The following SEC24B variants were observed in gnomAD, a reference collection of about 807,000 sequenced individuals.
The protein encoded by SEC24B is SEC24 homolog B, COPII component.
SEC24B carries 45 observed loss-of-function variants against 142.8 expected under a neutral mutation model. That is an observed-to-expected ratio of 0.32 (90% CI 0.25 to 0.40). The LOEUF (loss-of-function observed/expected upper bound fraction) is 0.40. Ranked by LOEUF, SEC24B falls within the 10% of genes least tolerant of loss-of-function variation. The probability of loss-of-function intolerance (pLI) is 1.00; values close to 1 mark genes in which losing one functional copy is unlikely to be tolerated. For synonymous variants in SEC24B, 574 were observed against 568.2 expected (o/e 1.01, Z -0.15); for missense variants, 1,409 against 1,526.8 (o/e 0.92, Z 1.29).
At chr4:109,459,817 T>A (rs1370375316) in intron 1 of SEC24B, among the ~76,000 whole-genome samples, 1 of 152,194 alleles carries the variant, frequency 6.6e-6, no homozygotes. Context: ...GGTAGATATT[T>A]GAACAGATTT....
Position 109,463,332 on chromosome 4 carries a change from T to A in SEC24B, c.565T>A (p.Ser189Thr). 6.2e-7 allele frequency: 1 copy of A among 1,614,230 alleles called. No individual in the cohort carries two copies. Among genetic ancestry groups the A allele is most frequent in the Non-Finnish European group, 8.5e-7 (1 of 1,180,046 alleles). ...TCGHYAMSTV[S>T]NAAYPSVSYP... ...TGGTCATTATGCTATGTCAACTGTT[T>A]CTAATGCCGCGTATCCTAGTGTTTC... The change falls in exon 2 of 24, where the codon TCT becomes ACT. Residue 189 changes from serine (S) to threonine (T), a missense_variant. Physicochemically the swap from Ser to Thr is moderately conservative, Grantham distance 58. Coordinates refer to ENST00000265175, the MANE Select transcript of SEC24B (RefSeq NM_006323.5).
At chr4:109,491,862 A>G (rs550145697) in intron 5 of SEC24B, among the ~76,000 whole-genome samples, 3 of 152,284 alleles carry the variant, frequency 2.0e-5, no homozygotes, top group South Asian at 2.1e-4. Flanking sequence ...TTTTGGAGAC[A>G]TCACTTTTAA....
At chr4:109,447,751 T>C (rs1378631924) in intron 1 of SEC24B, among the ~76,000 whole-genome samples, 1 of 146,342 alleles carries the variant, frequency 6.8e-6, no homozygotes, top group Non-Finnish European at 1.5e-5. Context: ...GGAGAGTCTT[T>C]GCATTGTTTT....
At chr4:109,454,202 C>T (rs1314265638) in intron 1 of SEC24B, among the ~76,000 whole-genome samples, 1 of 151,940 alleles carries the variant, frequency 6.6e-6, no homozygotes, top group East Asian at 1.9e-4. Flanking sequence ...TTTTATGTTG[C>T]TGACTATGCT....
chr4:109,522,369 T>A (rs1723736794), intron 14 of SEC24B, among the ~76,000 whole-genome samples: 1 of 152,136 alleles, frequency 6.6e-6, no homozygotes, highest in African/African-American at 2.4e-5. Context: ...TAACTCAAAT[T>A]ATCTTTTTGG....
At position 109,511,953 on chromosome 4, in the gene SEC24B, C is replaced by A; in HGVS notation, c.1777-4C>A. On this transcript the variant is annotated splice_region_variant and splice_polypyrimidine_tract_variant and intron_variant, in intron 8 of 23. Coordinates refer to ENST00000265175, the MANE Select transcript of SEC24B (RefSeq NM_006323.5). ...TGCTACAGCTTCTTTATTTTATTTC[C>A]TAGCAATTACCAGTGATAACATCAA... is the stretch of plus-strand genomic sequence containing the variant. 1 of 1,609,690 alleles carries A rather than the reference C, an allele frequency of 6.2e-7. No homozygotes were observed. Among genetic ancestry groups the A allele is most frequent in the South Asian group, 1.1e-5 (1 of 89,678 alleles).
intron 1 of SEC24B, among the ~76,000 whole-genome samples, chr4:109,453,794 G>A (rs751289632): frequency 1.3e-5 from 2 of 152,030 alleles, no homozygotes; most frequent in Non-Finnish European, 2.9e-5. Flanking sequence ...AGTGATAAAT[G>A]TCTATGAGAT....
intron 5 of SEC24B, 127 bp from the exon 6 acceptor site, chr4:109,494,488 A>G: frequency 8.2e-7 from 1 of 1,223,480 alleles, no homozygotes; most frequent in Non-Finnish European, 1.1e-6. Context: ...GTGTGTCCAA[A>G]ATTTCTTAGA....
intron 4 of SEC24B, among the ~76,000 whole-genome samples, chr4:109,485,390 A>C (rs1734249964): frequency 6.6e-6 from 1 of 152,236 alleles, no homozygotes; most frequent in Non-Finnish European, 1.5e-5. Flanking sequence ...TTTCTGCAGA[A>C]AAGTATGAAA....
In SEC24B at chr4:109,473,089, C is replaced by T; in HGVS notation, c.963C>T (p.Ser321=). Residue 321 remains serine (S), a synonymous_variant, in exon 3 of 24, where the codon TCC becomes TCT. Coordinates refer to ENST00000265175, the MANE Select transcript of SEC24B (RefSeq NM_006323.5). ...SPVVSTVLSG[S]SGSSSTRTPP... ...TGGTATCCACTGTTTTATCAGGATC[C>T]TCAGGATCCTCATCAACAAGAACAC... is the stretch of plus-strand genomic sequence containing the variant. The T allele has an allele frequency of 6.2e-7, 1 of 1,604,036 alleles. No individual in the cohort carries two copies. The highest frequency in any genetic ancestry group is 1.1e-5 in the South Asian group (1 of 89,666).
At chr4:109,449,059 T>C (rs1158290489) in intron 1 of SEC24B, among the ~76,000 whole-genome samples, 1 of 152,218 alleles carries the variant, frequency 6.6e-6, no homozygotes, top group East Asian at 1.9e-4. Context: ...GAATTTTTCG[T>C]AAGAATACCA....
At chr4:109,453,361 G>C (rs1427016371) in intron 1 of SEC24B, among the ~76,000 whole-genome samples, 2 of 151,788 alleles carry the variant, frequency 1.3e-5, no homozygotes, top group Non-Finnish European at 1.5e-5. Context: ...AAGCCTGGGG[G>C]TGCTGCTGGA....
intron 7 of SEC24B, among the ~76,000 whole-genome samples, chr4:109,506,903 T>C (rs185385601): frequency 9.3e-4 from 142 of 152,334 alleles, no homozygotes; most frequent in Non-Finnish European, 1.5e-3. Flanking sequence ...ACCTCACTTA[T>C]GTAATCTCAA....
chr4:109,452,862 C>T (rs1730249032), intron 1 of SEC24B, among the ~76,000 whole-genome samples: 2 of 152,170 alleles, frequency 1.3e-5, no homozygotes, highest in South Asian at 4.1e-4. Flanking sequence ...ATTTTCATGA[C>T]TGTGTCTTAT....
rs199531952 is a variant in SEC24B at position 109,463,539 on chromosome 4, A to G, written c.772A>G (p.Ser258Gly). Residue 258 changes from serine (S) to glycine (G), a missense_variant, in exon 2 of 24, where the codon AGT becomes GGT. By Grantham distance (56) the Ser-to-Gly change is moderately conservative. Around this residue, in one of 2 missense-constraint regions of SEC24B, gnomAD observed 709 missense variants for 673.5 expected, o/e 1.05. Coordinates refer to ENST00000265175, the MANE Select transcript of SEC24B (RefSeq NM_006323.5). ...CCAGCAGCAAAGTCTTTCAGGATACAGTACTCTAACGTGGTCATCTCCAGG... is the reference window on the plus strand; with the variant it reads ...CCAGCAGCAAAGTCTTTCAGGATACGGTACTCTAACGTGGTCATCTCCAGG... ...HHQQQSLSGYSTLTWSSPGLP... is the reference protein window; with the variant it reads ...HHQQQSLSGYGTLTWSSPGLP... The G allele has an allele frequency of 8.5e-5, 137 of 1,614,086 alleles. No homozygotes were observed. Among genetic ancestry groups the G allele is most frequent in the Non-Finnish European group, 7.5e-5 (88 of 1,180,040 alleles).
rs139486932 is a variant in SEC24B, at chr4:109,526,051, C to T, written c.2792-175C>T. On this transcript the variant is annotated intron_variant, in intron 16 of 23. Transcript: ENST00000265175. ...AATGTATAGTCTCCCTTTTATATAA[C>T]GTCCACTAGTTTTTTTGAATTAATA... Among the ~76,000 whole-genome samples the T allele has an allele frequency of 4.0e-3, 607 of 152,168 alleles. 1 individual carries two copies. Among genetic ancestry groups the T allele is most frequent in the African/African-American group, 0.014 (574 of 41,522 alleles).
chr4:109,453,259 A>G (rs1335360213), intron 1 of SEC24B, among the ~76,000 whole-genome samples: 1 of 152,204 alleles, frequency 6.6e-6, no homozygotes, highest in Non-Finnish European at 1.5e-5. Flanking sequence ...CCCGCTGTGC[A>G]TGCATTGTCA....
intron 4 of SEC24B, among the ~76,000 whole-genome samples, chr4:109,483,003 C>CACACATATACACACACACAT (rs1408633373): frequency 1.2e-5 from 1 of 84,110 alleles, no homozygotes; most frequent in African/African-American, 8.2e-5. Flanking sequence ...CACACACACA[C>CACACATATACACACACACAT]ATATTATACA....
chr4:109,511,173 T>A (rs953713828), intron 8 of SEC24B, among the ~76,000 whole-genome samples: 5 of 151,910 alleles, frequency 3.3e-5, no homozygotes, highest in Non-Finnish European at 7.4e-5. Flanking sequence ...AATACAGATA[T>A]ACATGATACC....
Sources: allele counts gnomAD v4.1 joint callset (sites outside exome capture counted in the v4.1 genomes callset), GRCh38; gene constraint gnomAD v4.1.1; regional missense constraint gnomAD v4.1.1; transcripts MANE v1.5; gene names NCBI Gene and HGNC (gene_info 2026-07-23, HGNC 2026-07-21).